Variants in MYRIP observed in about 807,000 individuals in gnomAD.
MYRIP encodes the protein myosin VIIA and Rab interacting protein.
A neutral mutation model predicts 98.0 loss-of-function variants in MYRIP; 49 were observed. The observed-to-expected ratio is 0.50, with a 90% confidence interval of 0.40 to 0.63. MYRIP has a LOEUF of 0.63. MYRIP is among the 30% of genes least tolerant of loss of function. MYRIP has a pLI of 0.00. For synonymous variants in MYRIP, 404 were observed against 409.5 expected (o/e 0.99, Z 0.16); for missense variants, 1,004 against 1,058.2 (o/e 0.95, Z 0.71).
chr3:39,875,724 G>A (rs1296896816), intron 1 of MYRIP, among the ~76,000 whole-genome samples: 1 of 150,886 alleles, frequency 6.6e-6, no homozygotes, highest in Non-Finnish European at 1.5e-5. Flanking sequence ...TATAATTTCT[G>A]TTCTTTTACA....
At chr3:39,951,236 A>G (rs1271205324) in intron 2 of MYRIP, among the ~76,000 whole-genome samples, 1 of 152,180 alleles carries the variant, frequency 6.6e-6, no homozygotes, top group Non-Finnish European at 1.5e-5. Context: ...AGCTCCATGG[A>G]TGATCTAGAA....
intron 10 of MYRIP, among the ~76,000 whole-genome samples, chr3:40,199,459 G>A (rs1170633658): frequency 6.6e-6 from 1 of 152,112 alleles, no homozygotes; most frequent in Non-Finnish European, 1.5e-5. Flanking sequence ...GAGTGTTGTG[G>A]AGCTCTGCAT....
chr3:40,123,306 T>TGAAC (rs1949445115), intron 3 of MYRIP, among the ~76,000 whole-genome samples: 1 of 152,214 alleles, frequency 6.6e-6, no homozygotes, highest in Non-Finnish European at 1.5e-5. Flanking sequence ...GTGGAAGAAG[T>TGAAC]TTCAGTAAGC....
At chr3:39,984,028 T>G (rs1407015820) in intron 2 of MYRIP, among the ~76,000 whole-genome samples, 1 of 152,058 alleles carries the variant, frequency 6.6e-6, no homozygotes, top group Non-Finnish European at 1.5e-5. Flanking sequence ...TATCTCTTCT[T>G]TTAGTATATT....
At chr3:40,245,650 CAAAAAAAAAAA>C (rs1230060850) in intron 13 of MYRIP, among the ~76,000 whole-genome samples, 1 of 62,766 alleles carries the variant, frequency 1.6e-5, no homozygotes, top group Non-Finnish European at 2.9e-5. Flanking sequence ...ACTCCATCTC[CAAAAAAAAAAA>C]AAAAAAAAAG....
chr3:40,178,991 G>A (rs1425970028), intron 8 of MYRIP, among the ~76,000 whole-genome samples: 1 of 152,198 alleles, frequency 6.6e-6, no homozygotes, highest in Non-Finnish European at 1.5e-5. Flanking sequence ...TGCGTCTTCT[G>A]TGTACCCTAG....
chr3:40,103,379 C>A (rs1449714759), intron 3 of MYRIP, among the ~76,000 whole-genome samples: 1 of 152,214 alleles, frequency 6.6e-6, no homozygotes, highest in South Asian at 2.1e-4. Context: ...CGCCTGTGAA[C>A]TTCATCTAAT....
intron 3 of MYRIP, among the ~76,000 whole-genome samples, chr3:40,083,215 G>A (rs141021582): frequency 2.6e-5 from 4 of 152,300 alleles, no homozygotes; most frequent in Admixed American, 6.5e-5. Context: ...AGATTATTGT[G>A]TGATTCCAGT....
chr3:40,013,426 G>A (rs945766512), intron 2 of MYRIP, among the ~76,000 whole-genome samples: 1 of 152,232 alleles, frequency 6.6e-6, no homozygotes, highest in Non-Finnish European at 1.5e-5. Flanking sequence ...AGCCCAAGCT[G>A]TGCACATGCT....
chr3:39,811,249 C>T (rs1022241186), intron 1 of MYRIP, among the ~76,000 whole-genome samples: 1 of 152,140 alleles, frequency 6.6e-6, no homozygotes, highest in Admixed American at 6.5e-5. Context: ...GATGACTGAC[C>T]AGCATCTTTG....
intron 1 of MYRIP, among the ~76,000 whole-genome samples, chr3:39,864,196 C>CGTGTG (rs1942554741): frequency 6.6e-6 from 1 of 152,134 alleles, no homozygotes; most frequent in Non-Finnish European, 1.5e-5. Flanking sequence ...CAATATCATA[C>CGTGTG]TTAATGGGCA....
intron 8 of MYRIP, among the ~76,000 whole-genome samples, chr3:40,177,859 T>C (rs886199361): frequency 6.6e-6 from 1 of 152,178 alleles, no homozygotes; most frequent in African/African-American, 2.4e-5. Flanking sequence ...TGGCTTTCTC[T>C]GTTCTCCTGT....
intron 1 of MYRIP, among the ~76,000 whole-genome samples, chr3:39,840,184 G>C (rs1941756873): frequency 6.6e-6 from 1 of 152,174 alleles, no homozygotes; most frequent in Non-Finnish European, 1.5e-5. Flanking sequence ...ATTTAGGATA[G>C]TTAGCTCTTC....
rs73827316 is a variant in MYRIP at position 40,132,910 on chromosome 3, G to T, written c.333-18138G>T. On this transcript the variant is annotated intron_variant, in intron 3 of 16. Coordinates refer to ENST00000302541, the MANE Select transcript of MYRIP (RefSeq NM_015460.4). ...CCCAGTCCAGCCCTCCTTACTCAGAGTCTTCCAGCATATTGCCTTTGTTGA... is the reference window on the plus strand; with the variant it reads ...CCCAGTCCAGCCCTCCTTACTCAGATTCTTCCAGCATATTGCCTTTGTTGA... 7.7e-3 allele frequency among the ~76,000 whole-genome samples: 1,171 copies of T among 152,376 alleles called. 11 individuals carry two copies. Among genetic ancestry groups the T allele is most frequent in the African/African-American group, 0.026 (1,075 of 41,588 alleles).
At chr3:40,239,725 AT>A (rs1473931905) in intron 12 of MYRIP, among the ~76,000 whole-genome samples, 18 of 148,210 alleles carry the variant, frequency 1.2e-4, no homozygotes, top group Admixed American at 4.7e-4. Flanking sequence ...GTGTCTGTTC[AT>A]GTCCTTTGCC....
At chr3:39,984,380 C>G (rs539097918) in intron 2 of MYRIP, among the ~76,000 whole-genome samples, 1 of 152,188 alleles carries the variant, frequency 6.6e-6, no homozygotes, top group South Asian at 2.1e-4. Flanking sequence ...TCCGCCCTCC[C>G]CCCATCCCAC....
At chr3:40,112,032 ATTGATGCCCTCATCC>A (rs924973802) in intron 3 of MYRIP, among the ~76,000 whole-genome samples, 2 of 152,152 alleles carry the variant, frequency 1.3e-5, no homozygotes, top group Admixed American at 1.3e-4. Context: ...ATTATTAAGT[ATTGATGCCCTCATCC>A]ACAGACCAGA....
At chr3:40,170,574 G>C (rs1031810423) in intron 8 of MYRIP, among the ~76,000 whole-genome samples, 7 of 152,326 alleles carry the variant, frequency 4.6e-5, no homozygotes, top group Non-Finnish European at 1.0e-4. Context: ...GTCACCTTGA[G>C]TCACAGAGCT....
intron 3 of MYRIP, among the ~76,000 whole-genome samples, chr3:40,093,315 C>T (rs543005676): frequency 6.6e-6 from 1 of 152,266 alleles, no homozygotes; most frequent in Admixed American, 6.5e-5. Context: ...ATTTATATAG[C>T]ATTTTTACTT....
Sources: gnomAD v4.1 joint callset for allele counts (sites outside exome capture counted in the v4.1 genomes callset) on GRCh38, gnomAD v4.1.1 for gene constraint, MANE v1.5 for transcripts, NCBI Gene and HGNC (gene_info 2026-07-23, HGNC 2026-07-21) for gene names.